LRRC7: variants seen among roughly 807,000 people sequenced by gnomAD.
LRRC7 encodes the protein leucine-rich repeat-containing protein 7.
A neutral mutation model predicts 175.7 loss-of-function variants in LRRC7; 23 were observed. The ratio of observed to expected loss-of-function variants is 0.13; its 90% CI spans 0.09 to 0.19. LRRC7 has a LOEUF of 0.19. Ranked by LOEUF, LRRC7 falls within the 10% of genes least tolerant of loss-of-function variation. The pLI, the probability that LRRC7 is intolerant of heterozygous loss-of-function variation, is 1.00. For synonymous variants in LRRC7, 685 were observed against 680.9 expected, an observed-to-expected ratio of 1.01 and a Z score of -0.09; for missense variants, 1,354 against 1,904.7, an observed-to-expected ratio of 0.71 and a Z score of 5.38.
intron 1 of LRRC7, among the ~76,000 whole-genome samples, chr1:69,676,535 T>C (rs911119271): frequency 2.6e-5 from 4 of 152,092 alleles, no homozygotes; most frequent in Non-Finnish European, 5.9e-5. Flanking sequence ...CTGTAAACTT[T>C]ATGGAAAACA....
intron 7 of LRRC7, among the ~76,000 whole-genome samples, chr1:69,866,184 A>G (rs1684929991): frequency 6.6e-6 from 1 of 152,208 alleles, no homozygotes; most frequent in Non-Finnish European, 1.5e-5. Context: ...GTGTTTGTCT[A>G]TTTTGAAATC....
chr1:69,900,560 G>A (rs1302364974), intron 7 of LRRC7, among the ~76,000 whole-genome samples: 5 of 152,002 alleles, frequency 3.3e-5, no homozygotes, highest in Non-Finnish European at 7.4e-5. Flanking sequence ...GAGTTTTATT[G>A]TAGCATACAA....
At chr1:69,794,280 A>G (rs1243151040) in intron 4 of LRRC7, among the ~76,000 whole-genome samples, 2 of 151,908 alleles carry the variant, frequency 1.3e-5, no homozygotes, top group Non-Finnish European at 2.9e-5. Flanking sequence ...GAAGATTTCC[A>G]TGAAATCTGA....
chr1:70,055,203 C>T (rs1661054619), intron 23 of LRRC7, among the ~76,000 whole-genome samples: 1 of 152,058 alleles, frequency 6.6e-6, no homozygotes, highest in African/African-American at 2.4e-5. Flanking sequence ...CTGGAAAGGG[C>T]ACCTGTTTAG....
chr1:70,027,040 T>C (rs541260794), intron 17 of LRRC7, among the ~76,000 whole-genome samples: 34 of 152,110 alleles, frequency 2.2e-4, no homozygotes, highest in African/African-American at 8.2e-4. Context: ...CCTCACTCTT[T>C]CTCTCCCTTT....
chr1:70,087,729 A>G (rs1289495866), intron 24 of LRRC7, among the ~76,000 whole-genome samples: 1 of 152,228 alleles, frequency 6.6e-6, no homozygotes, highest in Non-Finnish European at 1.5e-5. Flanking sequence ...CAGTACTTAT[A>G]GTACATTTAC....
At chr1:69,905,246 G>C (rs1047992839) in intron 7 of LRRC7, among the ~76,000 whole-genome samples, 1 of 134,866 alleles carries the variant, frequency 7.4e-6, no homozygotes, top group South Asian at 2.4e-4. Flanking sequence ...TCTGTTGTAA[G>C]TTCTTTTTAT....
At chr1:69,630,054 A>G (rs1222203827) in intron 1 of LRRC7, among the ~76,000 whole-genome samples, 2 of 151,876 alleles carry the variant, frequency 1.3e-5, no homozygotes, top group East Asian at 1.9e-4. Context: ...TGCTTCCTAT[A>G]ATGGTGATTT....
At chr1:69,589,019 GATGTAATATAC>G (rs895263614) in intron 1 of LRRC7, among the ~76,000 whole-genome samples, 5 of 150,780 alleles carry the variant, frequency 3.3e-5, no homozygotes, top group African/African-American at 4.9e-5. Flanking sequence ...GCGTGCATGT[GATGTAATATAC>G]ATGTAATATA....
At chr1:70,083,724 C>A (rs953316937) in intron 24 of LRRC7, among the ~76,000 whole-genome samples, 5 of 152,170 alleles carry the variant, frequency 3.3e-5, no homozygotes, top group Admixed American at 6.5e-5. Flanking sequence ...ACCAAACCTA[C>A]TTCCCCATTT....
intron 22 of LRRC7, among the ~76,000 whole-genome samples, chr1:70,047,101 T>C (rs918778673): frequency 4.6e-5 from 7 of 152,172 alleles, no homozygotes; most frequent in Non-Finnish European, 1.0e-4. Flanking sequence ...TAAATACTCA[T>C]TAGCCATAAG....
chr1:69,717,448 A>G (rs1201890313), intron 2 of LRRC7, among the ~76,000 whole-genome samples: 1 of 151,838 alleles, frequency 6.6e-6, no homozygotes, highest in Non-Finnish European at 1.5e-5. Flanking sequence ...ACACATTTTG[A>G]TAAGAAGAAT....
intron 7 of LRRC7, among the ~76,000 whole-genome samples, chr1:69,879,295 C>A (rs1029489923): frequency 1.4e-5 from 2 of 147,604 alleles, no homozygotes; most frequent in South Asian, 2.1e-4. Flanking sequence ...GGGACAAACT[C>A]AAAAACAAAG....
At chr1:69,954,015 CAT>C (rs1650230298) in intron 8 of LRRC7, among the ~76,000 whole-genome samples, 1 of 151,994 alleles carries the variant, frequency 6.6e-6, no homozygotes, top group East Asian at 1.9e-4. Context: ...AAAGGAAGGA[CAT>C]GTGTTTCTAC....
At chr1:69,579,762 C>G in intron 1 of LRRC7, among the ~76,000 whole-genome samples, 1 of 149,988 alleles carries the variant, frequency 6.7e-6, no homozygotes, top group Non-Finnish European at 1.5e-5. Context: ...ATATGACTTG[C>G]TAAGGTAAGG....
chr1:69,939,418 C>T (rs1446945501), intron 8 of LRRC7, among the ~76,000 whole-genome samples: 2 of 151,946 alleles, frequency 1.3e-5, no homozygotes, highest in Non-Finnish European at 2.9e-5. Flanking sequence ...AGTGTCACCA[C>T]AGTGAAGTAT....
chr1:69,722,138 CATAT>C (rs36076590), intron 2 of LRRC7, among the ~76,000 whole-genome samples: 14 of 150,654 alleles, frequency 9.3e-5, no homozygotes, highest in Non-Finnish European at 8.9e-5. Context: ...CCTATGTACA[CATAT>C]ATATATATAT....
At chr1:69,728,571 A>T (rs1052678838) in intron 2 of LRRC7, among the ~76,000 whole-genome samples, 11 of 152,210 alleles carry the variant, frequency 7.2e-5, no homozygotes, top group East Asian at 1.9e-4. Flanking sequence ...AACTAGAAAA[A>T]GAAAAAGGGA....
At position 70,089,799 on chromosome 1, in the gene LRRC7, C is replaced by T; in HGVS notation, c.4525C>T (p.Pro1509Ser). The T allele has an allele frequency of 6.2e-7, 1 of 1,605,290 alleles. No individual in the cohort carries two copies. Among genetic ancestry groups the T allele is most frequent in the Non-Finnish European group, 8.5e-7 (1 of 1,173,602 alleles). ...ISGGISGQGN[P>S]FKPSDKGIFV... ...TGGTGGAATTAGTGGACAAGGAAAT[C>T]CATTCAAACCTTCTGACAAGGTAAG... Residue 1509 changes from proline (P) to serine (S), a missense_variant, in exon 25 of 27, where the codon CCA becomes TCA. Transcript: ENST00000651989.
Sources: allele counts gnomAD v4.1 joint callset (sites outside exome capture counted in the v4.1 genomes callset), GRCh38; gene constraint gnomAD v4.1.1; transcripts MANE v1.5; gene names NCBI Gene and HGNC (gene_info 2026-07-23, HGNC 2026-07-21).